PTPRT: variants seen among roughly 807,000 people sequenced by gnomAD.
PTPRT encodes protein tyrosine phosphatase receptor type T, also known as receptor-type tyrosine-protein phosphatase T.
PTPRT carries 56 observed loss-of-function variants against 176.8 expected under a neutral mutation model. The observed-to-expected ratio is 0.32, with a 90% confidence interval of 0.26 to 0.40. The LOEUF (loss-of-function observed/expected upper bound fraction) is 0.40. Ranked by LOEUF, PTPRT falls within the 10% of genes least tolerant of loss-of-function variation. The pLI is 1.00. For missense variants in PTPRT, 1,540 were observed against 1,908.2 expected (o/e 0.81, Z 3.60); for synonymous variants, 783 against 739.0 (o/e 1.06, Z -0.96).
intron 12 of PTPRT, among the ~76,000 whole-genome samples, chr20:42,308,629 C>A (rs1043627044): frequency 6.6e-6 from 1 of 152,116 alleles, no homozygotes; most frequent in Admixed American, 6.5e-5. Context: ...TTACTCTCTC[C>A]CGATTTTTTT....
chr20:42,117,298 A>G (rs1489573494), intron 21 of PTPRT, among the ~76,000 whole-genome samples: 2 of 152,202 alleles, frequency 1.3e-5, no homozygotes. Flanking sequence ...TTTCTTACCC[A>G]AACAAAAACT....
chr20:42,416,522 T>C (rs1347266415), intron 9 of PTPRT, among the ~76,000 whole-genome samples: 1 of 152,206 alleles, frequency 6.6e-6, no homozygotes. Context: ...GTTCAGTTTC[T>C]CCCTACCTCC....
At chr20:42,188,545 G>C (rs1990869803) in intron 16 of PTPRT, among the ~76,000 whole-genome samples, 1 of 152,020 alleles carries the variant, frequency 6.6e-6, no homozygotes, top group Admixed American at 6.6e-5. Flanking sequence ...GCTTTGTCCA[G>C]CAATTACTCA....
rs529254786 is a variant in PTPRT, at chr20:42,947,988, A to AATGC, written c.89-62057_89-62056insGCAT. 2.6e-3 allele frequency among the ~76,000 whole-genome samples: 392 copies of AATGC among 151,408 alleles called. 1 individual carries two copies. The highest frequency in any genetic ancestry group is 8.3e-3 in the African/African-American group (339 of 40,872). ...AGGTGCTCAATACATGCATTTGTTG[A>AATGC]ATGAATGAATGAATGAATGAATGAG... On this transcript the variant is annotated intron_variant, in intron 1 of 30. Coordinates refer to ENST00000373187, the MANE Select transcript of PTPRT (RefSeq NM_007050.6).
chr20:43,073,807 C>T (rs1398851839), intron 1 of PTPRT, among the ~76,000 whole-genome samples: 4 of 151,970 alleles, frequency 2.6e-5, no homozygotes, highest in Admixed American at 2.6e-4. Context: ...CGCTGGAGTG[C>T]ATGGCACAAT....
At chr20:42,050,482 G>T in the PTPRT span, among the ~76,000 whole-genome samples, 7 of 152,100 alleles carry the variant, frequency 4.6e-5, no homozygotes, top group East Asian at 1.9e-4. Context: ...GCTCTGAGCC[G>T]CTCTGTTCCA....
intron 7 of PTPRT, among the ~76,000 whole-genome samples, chr20:42,516,680 C>T (rs746804191): frequency 1.3e-5 from 2 of 152,116 alleles, no homozygotes; most frequent in Non-Finnish European, 2.9e-5. Flanking sequence ...TAAGCATATA[C>T]TTAGTTTTTG....
chr20:42,167,300 T>C (rs1989871318), intron 16 of PTPRT, among the ~76,000 whole-genome samples: 1 of 152,184 alleles, frequency 6.6e-6, no homozygotes, highest in Non-Finnish European at 1.5e-5. Flanking sequence ...TCTGCTTTCC[T>C]TTATGACACA....
intron 6 of PTPRT, among the ~76,000 whole-genome samples, chr20:42,748,103 T>A (rs892851858): frequency 1.3e-4 from 14 of 108,544 alleles, no homozygotes; most frequent in Non-Finnish European, 2.4e-4. Context: ...ATTTGCATAT[T>A]TTTTATGGCT....
At chr20:42,031,931 C>A in the PTPRT span, among the ~76,000 whole-genome samples, 1 of 152,116 alleles carries the variant, frequency 6.6e-6, no homozygotes, top group Non-Finnish European at 1.5e-5. Context: ...CTTTGTAAAT[C>A]TTCGCAACAC....
chr20:42,068,614 G>A (rs144938306), downstream of PTPRT, among the ~76,000 whole-genome samples: 166 of 152,322 alleles, frequency 1.1e-3, no homozygotes, highest in African/African-American at 3.7e-3. Context: ...ACCTGGGCGG[G>A]ATGAGCCACT....
At chr20:42,658,951 T>C (rs2075173999) in intron 7 of PTPRT, among the ~76,000 whole-genome samples, 1 of 152,218 alleles carries the variant, frequency 6.6e-6, no homozygotes, top group Non-Finnish European at 1.5e-5. Context: ...GATATATCTG[T>C]CTGTATTAAG....
At chr20:42,409,308 C>T (rs775655313) in intron 9 of PTPRT, among the ~76,000 whole-genome samples, 3 of 151,700 alleles carry the variant, frequency 2.0e-5, no homozygotes, top group Non-Finnish European at 4.4e-5. Flanking sequence ...CAGTGAAACC[C>T]TGTCTCTACT....
rs75686133 is a variant in PTPRT, at chr20:42,753,060, G to A, written c.859+3402C>T. ...CTGACAGTCAGGAAGGGAATATCAC[G>A]TGTCAAAATGGCAAGTTAGCTAGAC... is the stretch of plus-strand genomic sequence containing the variant. On this transcript the variant is annotated intron_variant, in intron 6 of 30. Coordinates refer to ENST00000373187, the MANE Select transcript of PTPRT (RefSeq NM_007050.6). Among the ~76,000 whole-genome samples, 93 of 152,262 alleles carry A rather than the reference G, an allele frequency of 6.1e-4. No individual in the cohort carries two copies. In the East Asian group the frequency reaches 0.015, roughly 24 times the overall value.
At chr20:43,141,550 A>G (rs1240744084) in intron 1 of PTPRT, among the ~76,000 whole-genome samples, 1 of 151,990 alleles carries the variant, frequency 6.6e-6, no homozygotes, top group Non-Finnish European at 1.5e-5. Context: ...CACATTTGCT[A>G]CTCTCCCATT....
chr20:42,281,584 T>C lies in PTPRT; in HGVS notation c.2176+905A>G, dbSNP rs574523160. Among the ~76,000 whole-genome samples, 136 of 152,326 alleles carry C rather than the reference T, an allele frequency of 8.9e-4. 1 individual carries two copies. The highest frequency in any genetic ancestry group is 1.4e-3 in the Non-Finnish European group (96 of 68,040). On this transcript the variant is annotated intron_variant, in intron 13 of 30. Transcript: ENST00000373187. Reference sequence around the variant, plus strand: ...TTGTCGTTGTGCATGTGTCTATATATTTACACACATACACATACATACTTG... The same window carrying C: ...TTGTCGTTGTGCATGTGTCTATATACTTACACACATACACATACATACTTG...
chr20:42,760,918 T>C (rs895715913), intron 5 of PTPRT, among the ~76,000 whole-genome samples: 7 of 151,996 alleles, frequency 4.6e-5, no homozygotes, highest in Admixed American at 1.3e-4. Context: ...GTGTGGAAGG[T>C]ATAATTTCTG....
At chr20:42,359,341 C>G (rs927356147) in intron 9 of PTPRT, among the ~76,000 whole-genome samples, 1 of 152,156 alleles carries the variant, frequency 6.6e-6, no homozygotes, top group Non-Finnish European at 1.5e-5. Context: ...GGAGAGGTGA[C>G]AACAGTGACT....
At chr20:42,040,883 GC>G in the PTPRT span, among the ~76,000 whole-genome samples, 2 of 152,162 alleles carry the variant, frequency 1.3e-5, no homozygotes, top group Non-Finnish European at 2.9e-5. Flanking sequence ...AGCCTAAGCT[GC>G]TCTGATCTTT....
Sources: allele counts gnomAD v4.1 joint callset (sites outside exome capture counted in the v4.1 genomes callset), GRCh38; gene constraint gnomAD v4.1.1; transcripts MANE v1.5; gene names NCBI Gene and HGNC (gene_info 2026-07-23, HGNC 2026-07-21).